TMEM19: variants seen among roughly 807,000 people sequenced by gnomAD.
The protein encoded by TMEM19 is transmembrane protein 19.
A neutral mutation model predicts 33.6 loss-of-function variants in TMEM19; 21 were observed. That is an observed-to-expected ratio of 0.62 (90% CI 0.44 to 0.90). The LOEUF (loss-of-function observed/expected upper bound fraction) is 0.90, where lower values mean the gene tolerates loss of function less well. TMEM19 is among the 40% of genes least tolerant of loss of function. TMEM19 has a pLI of 0.00. For missense variants in TMEM19, 402 were observed against 401.8 expected (o/e 1.00, Z 0.00); for synonymous variants, 149 against 147.5 (o/e 1.01, Z -0.07).
intron 5 of TMEM19, among the ~76,000 whole-genome samples, chr12:71,700,589 T>C (rs1296255689): frequency 2.0e-5 from 3 of 152,162 alleles, no homozygotes; most frequent in Non-Finnish European, 4.4e-5. Context: ...AAAGAGGCCA[T>C]TTGTAATCAA....
intron 2 of TMEM19, among the ~76,000 whole-genome samples, chr12:71,694,299 C>T (rs548397956): frequency 6.6e-6 from 1 of 152,172 alleles, no homozygotes; most frequent in African/African-American, 2.4e-5. Flanking sequence ...TGTGGAAGAG[C>T]ACAGCAAGAG....
At chr12:71,697,972 C>G (rs911575729) in intron 4 of TMEM19, among the ~76,000 whole-genome samples, 2 of 152,184 alleles carry the variant, frequency 1.3e-5, no homozygotes, top group Non-Finnish European at 2.9e-5. Flanking sequence ...TTTTTGAACA[C>G]TGACATGATG....
chr12:71,686,821 G>C lies in TMEM19; in HGVS notation c.130+11G>C, dbSNP rs373058076. 4.3e-5 allele frequency: 68 copies of C among 1,588,458 alleles called. No homozygotes were observed. The highest frequency in any genetic ancestry group is 5.8e-5 in the Non-Finnish European group (68 of 1,170,636). On this transcript the variant is annotated intron_variant, in intron 1 of 5. Transcript: ENST00000266673. ...CAAGCACCTATTATGGTAAGTCTGA[G>C]TGTTCTAAGTTGTTTCTCTGTAATC... is the stretch of plus-strand genomic sequence containing the variant.
rs930744583 is a variant in TMEM19 at position 71,704,822 on chromosome 12, G to GA, written c.*3836dup. ...GGGTGACAGAGCAAGACTCCATCTT[G>GA]AAAAAAAAAGGAAAACACAATTATG... On this transcript the variant is annotated 3_prime_UTR_variant, in exon 6 of 6. Transcript: ENST00000266673. 13 of 149,826 alleles carry GA rather than the reference G, an allele frequency of 8.7e-5. 1 individual carries two copies. The highest frequency in any genetic ancestry group is 2.2e-4 in the African/African-American group (9 of 40,810). The allele number at this position is 149,826 out of a possible 1,614,324, so 9.3% of individuals were successfully genotyped here.
chr12:71,695,121 C>A (rs1288413228), intron 2 of TMEM19, among the ~76,000 whole-genome samples: 3 of 152,172 alleles, frequency 2.0e-5, no homozygotes, highest in African/African-American at 7.2e-5. Flanking sequence ...AAGGTATGAA[C>A]AGGAGATAGC....
At chr12:71,696,411 C>A in intron 2 of TMEM19, 25 bp from the exon 3 acceptor site, 2 of 1,546,188 alleles carry the variant, frequency 1.3e-6, no homozygotes, top group South Asian at 1.3e-5. Flanking sequence ...GAATATAATT[C>A]TGTGTTTATA....
intron 1 of TMEM19, 65 bp downstream of exon 1, chr12:71,686,875 T>C (rs527544009): frequency 6.6e-7 from 1 of 1,504,112 alleles, no homozygotes; most frequent in South Asian, 1.3e-5. Context: ...ACCATACCAT[T>C]GTGAAATCCA....
At position 71,686,573 on chromosome 12, in the gene TMEM19, T is replaced by A. The variant is rs1243257930; in HGVS notation, c.-108T>A. ...ATGCTTGTTTGGTCGGTGGAATATG[T>A]TGGGATTTATGTTTGCCTCTGAACA... On this transcript the variant is annotated 5_prime_UTR_variant, in exon 1 of 6. It adds an upstream start codon to the 5' untranslated region. Coordinates refer to ENST00000266673, the MANE Select transcript of TMEM19 (RefSeq NM_018279.4). 2 of 1,268,790 alleles carry A rather than the reference T, an allele frequency of 1.6e-6. No homozygotes were observed. Among genetic ancestry groups the A allele is most frequent in the Non-Finnish European group, 2.2e-6 (2 of 910,296 alleles). The allele number at this position is 1,268,790 out of a possible 1,614,324, so 78.6% of individuals were successfully genotyped here.
At position 71,702,066 on chromosome 12, in the gene TMEM19, T is replaced by C. The variant is rs2137602052; in HGVS notation, c.*1071T>C. ...ATGTTTCTCATGTGATTTCTGTACC[T>C]TCTTCCTCCTGCCCCTTTTGCTTTT... On this transcript the variant is annotated 3_prime_UTR_variant, in exon 6 of 6. Coordinates refer to ENST00000266673, the MANE Select transcript of TMEM19 (RefSeq NM_018279.4). The C allele has an allele frequency of 6.6e-6, 1 of 152,326 alleles. No homozygotes were observed. Among genetic ancestry groups the C allele is most frequent in the East Asian group, 1.9e-4 (1 of 5,192 alleles). The allele number at this position is 152,326 out of a possible 1,614,324, so 9.4% of individuals were successfully genotyped here. A position where few individuals can be genotyped will look rare whatever the true frequency, so the allele number is the denominator to read the frequency against.
intron 2 of TMEM19, among the ~76,000 whole-genome samples, chr12:71,694,704 C>T (rs1881841632): frequency 6.6e-6 from 1 of 152,232 alleles, no homozygotes; most frequent in Non-Finnish European, 1.5e-5. Context: ...CTCCCTTGGA[C>T]ATGGTTCAAG....
rs1881997010 is a variant in TMEM19, at chr12:71,702,520, T to C, written c.*1525T>C. On this transcript the variant is annotated 3_prime_UTR_variant, in exon 6 of 6. Transcript: ENST00000266673. ...CAGTAGAGACAGGGTTTCGCCACGT[T>C]GGCTAGGCTGGTCTCGAACTCCTGA... The C allele has an allele frequency of 6.6e-6, 1 of 152,174 alleles. No homozygotes were observed. The allele number at this position is 152,174 out of a possible 1,614,324, so 9.4% of individuals were successfully genotyped here. A position where few individuals can be genotyped will look rare whatever the true frequency, so the allele number is the denominator to read the frequency against.
intron 2 of TMEM19, among the ~76,000 whole-genome samples, chr12:71,692,681 A>G (rs1286661638): frequency 1.3e-5 from 2 of 152,178 alleles, no homozygotes; most frequent in South Asian, 2.1e-4. Flanking sequence ...TAGTGCTATA[A>G]CATGCCACTT....
intron 2 of TMEM19, 83 bp from the exon 3 acceptor site, chr12:71,696,353 A>C (rs1178161358): frequency 1.6e-6 from 2 of 1,245,834 alleles, no homozygotes; most frequent in Non-Finnish European, 2.2e-6. Flanking sequence ...ATAATATAAA[A>C]ATAATGGAAA....
rs1380693948 is a variant in TMEM19 at position 71,703,005 on chromosome 12, C to T, written c.*2010C>T. ...GACCAGCCTGGCCAACATGGTGAAACACCGTCTCTACTAAAAATACAAAAA... is the reference window on the plus strand; with the variant it reads ...GACCAGCCTGGCCAACATGGTGAAATACCGTCTCTACTAAAAATACAAAAA... On this transcript the variant is annotated 3_prime_UTR_variant, in exon 6 of 6. Transcript: ENST00000266673. 1.3e-5 allele frequency: 2 copies of T among 151,640 alleles called. No homozygotes were observed. The highest frequency in any genetic ancestry group is 2.9e-5 in the Non-Finnish European group (2 of 67,958). The allele number at this position is 151,640 out of a possible 1,614,324, so 9.4% of individuals were successfully genotyped here.
Position 71,697,423 on chromosome 12 carries a change from C to G in TMEM19, c.526C>G (p.Leu176Val). 3 of 1,611,208 alleles carry G rather than the reference C, an allele frequency of 1.9e-6. No homozygotes were observed. Among genetic ancestry groups the G allele is most frequent in the Non-Finnish European group, 1.7e-6 (2 of 1,179,016 alleles). Residue 176 changes from leucine (L) to valine (V), a missense_variant, in exon 4 of 6, where the codon CTC (leucine) becomes GTC (valine). By Grantham distance (32) the Leu-to-Val change is conservative (BLOSUM62 1). Coordinates refer to ENST00000266673, the MANE Select transcript of TMEM19 (RefSeq NM_018279.4). ...QYSASWMCLS[L>V]LAALACSAGD... ...CTCCGCTTCCTGGATGTGTTTGTCT[C>G]TCTTGGCTGCACTGGCCTGCTCTGC...
rs143680796 is a variant in TMEM19 at position 71,689,070 on chromosome 12, G to A, written c.131-521G>A. On this transcript the variant is annotated intron_variant, in intron 1 of 5. Transcript: ENST00000266673. Reference sequence around the variant, plus strand: ...TCAAAACTTGGACATAACCTATTTGGCCATTCTCCAGTAAGACTGTTTCTC... The same window carrying A: ...TCAAAACTTGGACATAACCTATTTGACCATTCTCCAGTAAGACTGTTTCTC... Among the ~76,000 whole-genome samples the A allele has an allele frequency of 4.9e-4, 74 of 152,186 alleles. 1 individual carries two copies. The highest frequency in any genetic ancestry group is 1.7e-3 in the African/African-American group (70 of 41,512).
At chr12:71,695,454 A>G (rs933481618) in intron 2 of TMEM19, among the ~76,000 whole-genome samples, 1 of 152,180 alleles carries the variant, frequency 6.6e-6, no homozygotes. Context: ...TTCAGTTTGT[A>G]TACTTCCATG....
rs1158995101 is a variant in TMEM19 at position 71,697,314 on chromosome 12, T to G, written c.417T>G (p.Asn139Lys). The G allele has an allele frequency of 6.2e-7, 1 of 1,604,780 alleles. No individual in the cohort carries two copies. The highest frequency in any genetic ancestry group is 8.5e-7 in the Non-Finnish European group (1 of 1,177,022). Residue 139 changes from asparagine to lysine, a missense_variant, in exon 4 of 6, where the codon AAT (asparagine) becomes AAG (lysine). Coordinates refer to ENST00000266673, the MANE Select transcript of TMEM19 (RefSeq NM_018279.4). ...GQRNWVQVFC[N>K]GAVPTELALL... ...GGAATTGGGTTCAGGTGTTCTGTAA[T>G]GGAGCTGTACCCACAGAACTGGCCC...
At chr12:71,692,408 A>C (rs962138222) in intron 2 of TMEM19, among the ~76,000 whole-genome samples, 2 of 152,222 alleles carry the variant, frequency 1.3e-5, no homozygotes, top group Non-Finnish European at 2.9e-5. Flanking sequence ...AGAAAACTGA[A>C]ACTAACACTT....
Sources: gnomAD v4.1 joint callset for allele counts (sites outside exome capture counted in the v4.1 genomes callset) on GRCh38, gnomAD v4.1.1 for gene constraint, MANE v1.5 for transcripts, NCBI Gene and HGNC (gene_info 2026-07-23, HGNC 2026-07-21) for gene names.